The following SORCS2 variants were observed in gnomAD, a reference collection of about 807,000 sequenced individuals.
SORCS2 encodes sortilin related VPS10 domain containing receptor 2.
A neutral mutation model predicts 141.6 loss-of-function variants in SORCS2; 100 were observed. The observed-to-expected ratio is 0.71, with a 90% CI of 0.60 to 0.83. SORCS2 has a LOEUF of 0.83. SORCS2 is among the 40% of genes least tolerant of loss of function. The probability of loss-of-function intolerance (pLI) is 0.00; values close to 1 mark genes in which losing one functional copy is unlikely to be tolerated. For missense variants in SORCS2, 1,646 were observed against 1,560.2 expected, an observed-to-expected ratio of 1.05 and a Z score of -0.93; for synonymous variants, 789 against 676.9, an observed-to-expected ratio of 1.17 and a Z score of -2.57.
At chr4:7,272,253 C>T (rs995614483) in intron 1 of SORCS2, among the ~76,000 whole-genome samples, 10 of 152,176 alleles carry the variant, frequency 6.6e-5, no homozygotes, top group African/African-American at 1.9e-4. Flanking sequence ...AATAAAGAGG[C>T]GCCATCTTTG....
chr4:7,349,740 TTG>T (rs1346183619), intron 1 of SORCS2, among the ~76,000 whole-genome samples: 1 of 152,210 alleles, frequency 6.6e-6, no homozygotes, highest in Non-Finnish European at 1.5e-5. Context: ...TGGCCTTTTG[TTG>T]GCATTCCTCA....
At chr4:7,667,438 G>T (rs1722568415) in intron 8 of SORCS2, among the ~76,000 whole-genome samples, 1 of 152,186 alleles carries the variant, frequency 6.6e-6, no homozygotes, top group African/African-American at 2.4e-5. Flanking sequence ...GCCTCTGCCA[G>T]GCTCTTCCCT....
intron 1 of SORCS2, among the ~76,000 whole-genome samples, chr4:7,294,673 T>TCTC (rs1716842784): frequency 9.2e-6 from 1 of 108,936 alleles, no homozygotes; most frequent in African/African-American, 3.6e-5. Context: ...CTCTCCCTCC[T>TCTC]CCTCCTCCTC....
intron 8 of SORCS2, 79 bp from the exon 9 acceptor site, chr4:7,675,971 G>A (rs1265940555): frequency 6.7e-7 from 1 of 1,489,260 alleles, no homozygotes; most frequent in Non-Finnish European, 9.1e-7. Context: ...CACCCTCACG[G>A]CCTGTGCAGC....
At chr4:7,594,294 C>T (rs563747449) in intron 3 of SORCS2, among the ~76,000 whole-genome samples, 5 of 152,346 alleles carry the variant, frequency 3.3e-5, no homozygotes, top group Admixed American at 1.3e-4. Flanking sequence ...TCACCTGCCA[C>T]GGTGTGTGCC....
At chr4:7,388,576 C>T (rs1723638865) in intron 1 of SORCS2, among the ~76,000 whole-genome samples, 1 of 152,160 alleles carries the variant, frequency 6.6e-6, no homozygotes, top group Admixed American at 6.5e-5. Flanking sequence ...CAGGTGTCCA[C>T]CTGATCACAT....
At chr4:7,429,142 G>C (rs931332044) in intron 2 of SORCS2, among the ~76,000 whole-genome samples, 1 of 152,184 alleles carries the variant, frequency 6.6e-6, no homozygotes, top group Non-Finnish European at 1.5e-5. Context: ...ACATGCGTGA[G>C]TGTGTGCATG....
chr4:7,298,362 T>G (rs563750296), intron 1 of SORCS2, among the ~76,000 whole-genome samples: 1 of 152,146 alleles, frequency 6.6e-6, no homozygotes, highest in African/African-American at 2.4e-5. Flanking sequence ...GCCTTGTCTT[T>G]CCTGGGGTCT....
rs1349124567 is a variant in SORCS2, at chr4:7,262,331, CATCT to C, written c.480+69209_480+69212del. ...CCAACCACCTATCCATCCATCCATC[CATCT>C]ATCCATCCATCCATCCATCCATCCA... On this transcript the variant is annotated intron_variant, in intron 1 of 26. Coordinates refer to ENST00000507866, the MANE Select transcript of SORCS2 (RefSeq NM_020777.3). 8.6e-4 allele frequency among the ~76,000 whole-genome samples: 126 copies of C among 145,950 alleles called. 1 individual carries two copies. In the East Asian group the frequency reaches 0.015, roughly 18 times the overall value.
chr4:7,358,984 G>A (rs1721423152), intron 1 of SORCS2, among the ~76,000 whole-genome samples: 1 of 152,144 alleles, frequency 6.6e-6, no homozygotes, highest in Admixed American at 6.5e-5. Context: ...AACTACAGGT[G>A]CATACCACAA....
chr4:7,714,292 C>T lies in SORCS2; in HGVS notation c.2042C>T (p.Thr681Met), dbSNP rs188902029. ...QQRSFRKRKSTSWCIKGRSFT... is the reference protein window; with the variant it reads ...QQRSFRKRKSMSWCIKGRSFT... ...AGAAGTTTCCGGAAAAGAAAGTCCA[C>T]GTCCTGGTGCATCAAGGGGAGGAGC... Residue 681 changes from threonine (T) to methionine (M), a missense_variant, in exon 16 of 27, where the codon ACG (threonine) becomes ATG (methionine). By Grantham distance (81) the Thr-to-Met change is moderately conservative (BLOSUM62 -1). Coordinates refer to ENST00000507866, the MANE Select transcript of SORCS2 (RefSeq NM_020777.3). 2.1e-5 allele frequency: 33 copies of T among 1,607,174 alleles called. No homozygotes were observed. The East Asian group carries it at 4.0e-4, about 20-fold the overall frequency.
chr4:7,386,707 A>C (rs1723365512), intron 1 of SORCS2, among the ~76,000 whole-genome samples: 1 of 147,214 alleles, frequency 6.8e-6, no homozygotes, highest in African/African-American at 2.5e-5. Context: ...ACACAGATAC[A>C]GAGATACACA....
chr4:7,702,340 C>T (rs140395280), intron 12 of SORCS2, among the ~76,000 whole-genome samples: 163 of 152,328 alleles, frequency 1.1e-3, no homozygotes, highest in Middle Eastern at 3.4e-3. Flanking sequence ...TTGAGACATG[C>T]GCTGGCCGCC....
chr4:7,695,027 C>A (rs1367033957), intron 11 of SORCS2, among the ~76,000 whole-genome samples: 1 of 151,742 alleles, frequency 6.6e-6, no homozygotes, highest in African/African-American at 2.4e-5. Flanking sequence ...GATTCAGAGC[C>A]CTCAGGGAGC....
In SORCS2 at chr4:7,661,578, T is replaced by G. The variant is rs1056235368; in HGVS notation, c.952+14T>G. The G allele has an allele frequency of 1.3e-6, 2 of 1,551,260 alleles. No individual in the cohort carries two copies. The highest frequency in any genetic ancestry group is 1.2e-5 in the South Asian group (1 of 84,020). On this transcript the variant is annotated intron_variant, in intron 6 of 26. Transcript: ENST00000507866. The stretch of plus-strand genomic sequence containing the variant: ...ACCTCGGTGGAGGTAAGCCGGGCAG[T>G]GCACAGGCACCGGGTATCCCTGAGT...
chr4:7,225,562 C>T (rs987996399), intron 1 of SORCS2, among the ~76,000 whole-genome samples: 1 of 152,116 alleles, frequency 6.6e-6, no homozygotes, highest in Non-Finnish European at 1.5e-5. Flanking sequence ...GGGCTGGGAC[C>T]GGGGCTCACT....
chr4:7,485,966 C>A (rs1241254969), intron 2 of SORCS2, among the ~76,000 whole-genome samples: 19 of 152,174 alleles, frequency 1.2e-4, no homozygotes. Flanking sequence ...GCTGGGGGCA[C>A]CCCATGCCTG....
intron 1 of SORCS2, among the ~76,000 whole-genome samples, chr4:7,357,780 G>A (rs1721343117): frequency 6.6e-6 from 1 of 152,152 alleles, no homozygotes; most frequent in Non-Finnish European, 1.5e-5. Flanking sequence ...GGTGGGGGGA[G>A]GTTTCTCATT....
chr4:7,221,839 A>G (rs11728393), intron 1 of SORCS2, among the ~76,000 whole-genome samples: 36,874 of 151,162 alleles, frequency 0.24, 4,728 homozygotes, highest in East Asian at 0.45. Context: ...ATATTTAAGG[A>G]GTATTTTCTG....
Sources: allele counts gnomAD v4.1 joint callset (sites outside exome capture counted in the v4.1 genomes callset), GRCh38; gene constraint gnomAD v4.1.1; transcripts MANE v1.5; gene names NCBI Gene and HGNC (gene_info 2026-07-23, HGNC 2026-07-21).